Variants in DQX1 observed in about 807,000 individuals in gnomAD.
The protein encoded by DQX1 is ATP-dependent RNA helicase homolog DQX1.
DQX1 carries 66 observed loss-of-function variants against 81.3 expected under a neutral mutation model. That is an observed-to-expected ratio of 0.81 (90% CI 0.67 to 1.00). DQX1 has a LOEUF of 1.00. Ranked by LOEUF, DQX1 falls within the 50% of genes least tolerant of loss-of-function variation. The pLI, the probability that DQX1 is intolerant of heterozygous loss-of-function variation, is 0.00. For synonymous variants in DQX1, 290 were observed against 350.0 expected (o/e 0.83, Z 1.91); for missense variants, 798 against 867.9 (o/e 0.92, Z 1.01).
rs1572986795 is a variant in DQX1, at chr2:74,525,348, C to T, written c.237+145G>A. The T allele has an allele frequency of 4.8e-6, 6 of 1,239,056 alleles. No individual in the cohort carries two copies. In the East Asian group the frequency reaches 1.5e-4, roughly 32 times the overall value. The allele number at this position is 1,239,056 out of a possible 1,614,324, so 76.8% of individuals were successfully genotyped here. A position where few individuals can be genotyped will look rare whatever the true frequency, so the allele number is the denominator to read the frequency against. On this transcript the variant is annotated intron_variant, in intron 2 of 11. Coordinates refer to ENST00000404568, the MANE Select transcript of DQX1 (RefSeq NM_133637.3). This position sits in a 1 kb window ranked among gnomAD's most constrained non-coding sequence, Gnocchi z 4.1. ...AGCCTCCAGGGCCAACCTAACCCAT[C>T]CCATCTCTCTTCGTTCACCTTCCTC... is the stretch of plus-strand genomic sequence containing the variant.
intron 8 of DQX1, among the ~76,000 whole-genome samples, chr2:74,522,340 G>A (rs1675049809): frequency 6.6e-6 from 1 of 152,158 alleles, no homozygotes; most frequent in Non-Finnish European, 1.5e-5. Flanking sequence ...GAGGAAGAGG[G>A]GTGTGTGAGT....
In DQX1 at chr2:74,522,582, G is replaced by A. The variant is rs747321701; in HGVS notation, c.1493C>T (p.Thr498Ile). Reference sequence around the variant, plus strand: ...GGATTTACAGCAGCGATTTATACCTGTGAGCATGGCAGCCAGGGTGAGCAT... The same window carrying A: ...GGATTTACAGCAGCGATTTATACCTATGAGCATGGCAGCCAGGGTGAGCAT... ...DEMLTLAAML[T>I]AAPGFTRPPL... is the part of the protein sequence containing the mutation. Residue 498 changes from threonine to isoleucine, a missense_variant and splice_region_variant, in exon 8 of 12, where the codon ACA becomes ATA. Coordinates refer to ENST00000404568, the MANE Select transcript of DQX1 (RefSeq NM_133637.3). 5 of 1,612,786 alleles carry A rather than the reference G, an allele frequency of 3.1e-6. No homozygotes were observed. The Admixed American group carries it at 8.4e-5, about 27-fold the overall frequency.
rs58027522 is a variant in DQX1, at chr2:74,525,955, T to G, written c.-20+181A>C. 3.7e-3 allele frequency among the ~76,000 whole-genome samples: 568 copies of G among 152,294 alleles called. 4 individuals are homozygous for G. Among genetic ancestry groups the G allele is most frequent in the African/African-American group, 0.013 (526 of 41,550 alleles). On this transcript the variant is annotated intron_variant, in intron 1 of 11. Transcript: ENST00000404568. This position sits in a 1 kb window ranked among gnomAD's most constrained non-coding sequence, Gnocchi z 4.1. ...AGTCCCTATAGTCAGGTAGTAGAAA[T>G]CTACCTGAGACTATTACCCCGTTGG... is the stretch of plus-strand genomic sequence containing the variant.
intron 9 of DQX1, 59 bp from the exon 10 acceptor site, chr2:74,519,805 C>A (rs1674979459): frequency 1.2e-6 from 2 of 1,604,666 alleles, no homozygotes; most frequent in Admixed American, 3.4e-5. Context: ...AATAACCCAA[C>A]CCTTAGCCAA....
In DQX1 at chr2:74,518,937, A is replaced by G; in HGVS notation, c.1997+103T>C. On this transcript the variant is annotated intron_variant, in intron 11 of 11. Transcript: ENST00000404568. ...TCCTGTCTCCTCAGATCATGTTTTTACTAACCACTAAGATCCCTTCCTCTG... is the reference window on the plus strand; with the variant it reads ...TCCTGTCTCCTCAGATCATGTTTTTGCTAACCACTAAGATCCCTTCCTCTG... 3 of 1,210,258 alleles carry G rather than the reference A, an allele frequency of 2.5e-6. No homozygotes were observed. In the South Asian group the frequency reaches 5.0e-5, roughly 20 times the overall value. The allele number at this position is 1,210,258 out of a possible 1,614,324, so 75.0% of individuals were successfully genotyped here.
chr2:74,518,588 G>A lies in DQX1; in HGVS notation c.2012C>T (p.Ala671Val), dbSNP rs773976315. The part of the protein sequence containing the change: ...EIQPQMLVEL[A>V]PPYFLSNLPP... Reference sequence around the variant, plus strand: ...CAAGTTACTCAGGAAGTATGGAGGGGCCAATTCCACCAGCCTAATAGAGAG... The same window carrying A: ...CAAGTTACTCAGGAAGTATGGAGGGACCAATTCCACCAGCCTAATAGAGAG... The change falls in exon 12 of 12, where the codon GCC becomes GTC. Residue 671 changes from alanine (A) to valine (V), a missense_variant. Physicochemically the swap from Ala to Val is moderately conservative, Grantham distance 64. Coordinates refer to ENST00000404568, the MANE Select transcript of DQX1 (RefSeq NM_133637.3). The A allele has an allele frequency of 6.2e-7, 1 of 1,614,090 alleles. No individual in the cohort carries two copies. The highest frequency in any genetic ancestry group is 8.5e-7 in the Non-Finnish European group (1 of 1,179,960).
rs1417149757 is a variant in DQX1 at position 74,525,748 on chromosome 2, C to A, written c.-19G>T. ...AGGTCATGGTGGCTCTCTGGCAGGACCTGCAGAAGGCAGAGCAGCCAGTAA... is the reference window on the plus strand; with the variant it reads ...AGGTCATGGTGGCTCTCTGGCAGGAACTGCAGAAGGCAGAGCAGCCAGTAA... On this transcript the variant is annotated splice_region_variant and 5_prime_UTR_variant, in exon 2 of 12. Transcript: ENST00000404568. This position sits in a 1 kb window ranked among gnomAD's most constrained non-coding sequence, Gnocchi z 4.1. 12 of 1,546,756 alleles carry A rather than the reference C, an allele frequency of 7.8e-6. No individual in the cohort carries two copies. Among genetic ancestry groups the A allele is most frequent in the Non-Finnish European group, 1.0e-5 (12 of 1,143,594 alleles).
In DQX1 at chr2:74,522,999, A is replaced by G. The variant is rs1247304093; in HGVS notation, c.1160T>C (p.Leu387Pro). Residue 387 changes from leucine (L) to proline (P), a missense_variant, in exon 7 of 12, where the codon CTG (leucine) becomes CCG (proline). Leu to Pro is a moderately conservative substitution (Grantham distance 98). Coordinates refer to ENST00000404568, the MANE Select transcript of DQX1 (RefSeq NM_133637.3). ...RGFPPGSCLC[L>P]YPKSFLELEA... The stretch of plus-strand genomic sequence containing the variant: ...TAGTTCTAAGAAGGACTTAGGATAC[A>G]GGCAGAGGCAGGATCCTGAGGGGAA... 1.2e-6 allele frequency: 2 copies of G among 1,614,188 alleles called. No individual in the cohort carries two copies. Among genetic ancestry groups the G allele is most frequent in the Non-Finnish European group, 1.7e-6 (2 of 1,180,008 alleles).
At chr2:74,524,412 CAG>C in intron 3 of DQX1, 105 bp from the exon 4 acceptor site, 1 of 1,456,564 alleles carries the variant, frequency 6.9e-7, no homozygotes, top group Non-Finnish European at 9.1e-7. Flanking sequence ...TATTGAAGGT[CAG>C]AAAAATATGC....
At chr2:74,526,002 A>G in intron 1 of DQX1, 134 bp downstream of exon 1, 1 of 427,678 alleles carries the variant, frequency 2.3e-6, no homozygotes, top group Non-Finnish European at 4.2e-6. Flanking sequence ...AATCTTACTT[A>G]GGCAGGGGTC....
chr2:74,521,457 T>G, intron 8 of DQX1, among the ~76,000 whole-genome samples: 1 of 151,962 alleles, frequency 6.6e-6, no homozygotes, highest in East Asian at 1.9e-4. Flanking sequence ...TGAGACCAGC[T>G]TGGCCAACAT....
At chr2:74,519,794 A>G in intron 9 of DQX1, 48 bp from the exon 10 acceptor site, 1 of 1,608,798 alleles carries the variant, frequency 6.2e-7, no homozygotes, top group African/African-American at 1.3e-5. Context: ...GAGACCCCTG[A>G]AATAACCCAA....
chr2:74,524,471 C>T (rs951243554), intron 3 of DQX1, among the ~76,000 whole-genome samples, 164 bp from the exon 4 acceptor site: 3 of 152,308 alleles, frequency 2.0e-5, no homozygotes, highest in East Asian at 1.9e-4. Flanking sequence ...CCCACAACCC[C>T]GCTGAGAACA....
chr2:74,523,575 C>G (rs1430783588), intron 4 of DQX1, 38 bp from the exon 5 acceptor site: 5 of 1,592,624 alleles, frequency 3.1e-6, no homozygotes, highest in Non-Finnish European at 4.3e-6. Context: ...GGGCAGTTCT[C>G]ACGTTTTTTG....
In DQX1 at chr2:74,522,855, C is replaced by A. The variant is rs1179085593; in HGVS notation, c.1303+1G>T. 10 of 1,613,486 alleles carry A rather than the reference C, an allele frequency of 6.2e-6. No homozygotes were observed. The highest frequency in any genetic ancestry group is 7.6e-6 in the Non-Finnish European group (9 of 1,179,582). On this transcript the variant is annotated splice_donor_variant, in intron 7 of 11. Coordinates refer to ENST00000404568, the MANE Select transcript of DQX1 (RefSeq NM_133637.3). LOFTEE classifies it high-confidence loss of function. ...AGTGCTTGGGCAGGAGAGGTGCTCA[C>A]CAGGCTGGTCCAGGAAGTGACACTC...
chr2:74,525,683 G>A lies in DQX1; in HGVS notation c.47C>T (p.Pro16Leu). ...LRLAEEYGPS[P>L]GESELAVNPF... is the part of the protein sequence containing the mutation. ...GTTCACAGCCAGTTCAGACTCCCCA[G>A]GACTTGGGCCATACTCTTCTGCTAG... is the stretch of plus-strand genomic sequence containing the variant. The change falls in exon 2 of 12, where the codon CCT (proline) becomes CTT (leucine). Residue 16 changes from proline (P) to leucine (L), a missense_variant. Pro to Leu is a moderately conservative substitution (Grantham distance 98). Coordinates refer to ENST00000404568, the MANE Select transcript of DQX1 (RefSeq NM_133637.3). The surrounding 1 kb of genome is among the most constrained non-coding windows in gnomAD (Gnocchi z 4.1). The A allele has an allele frequency of 6.4e-7, 1 of 1,551,750 alleles. No homozygotes were observed. Among genetic ancestry groups the A allele is most frequent in the Non-Finnish European group, 8.7e-7 (1 of 1,147,008 alleles).
At chr2:74,521,730 T>TCTCCCTCTCTCCCC (rs1675029939) in intron 8 of DQX1, among the ~76,000 whole-genome samples, 1 of 148,334 alleles carries the variant, frequency 6.7e-6, no homozygotes, top group Admixed American at 6.7e-5. Flanking sequence ...TCTCTTTCCC[T>TCTCCCTCTCTCCCC]CTCCCTCTCT....
chr2:74,523,736 A>T, intron 4 of DQX1, 187 bp downstream of exon 4: 1 of 1,053,562 alleles, frequency 9.5e-7, no homozygotes, highest in Non-Finnish European at 1.3e-6. Context: ...GTGAGTGGTA[A>T]ACCTCTTTAC....
chr2:74,525,504 T>C lies in DQX1; in HGVS notation c.226A>G (p.Lys76Glu). 6.4e-7 allele frequency: 1 copy of C among 1,552,264 alleles called. No individual in the cohort carries two copies. Among genetic ancestry groups the C allele is most frequent in the Non-Finnish European group, 8.7e-7 (1 of 1,147,188 alleles). The change falls in exon 2 of 12, where the codon AAG (lysine) becomes GAG (glutamate). Residue 76 changes from lysine to glutamate, a missense_variant. By Grantham distance (56) the Lys-to-Glu change is moderately conservative. Transcript: ENST00000404568. The surrounding 1 kb of genome is among the most constrained non-coding windows in gnomAD (Gnocchi z 4.1). ...VLVSGEPGSGKSTQIPQWCAE... is the reference protein window; with the variant it reads ...VLVSGEPGSGESTQIPQWCAE... ...AACCCCCACCACACCTGGGTGCTCT[T>C]GCCAGAACCAGGCTCCCCAGACACC...
Sources: allele counts gnomAD v4.1 joint callset (sites outside exome capture counted in the v4.1 genomes callset), GRCh38; gene constraint gnomAD v4.1.1; non-coding constraint Gnocchi (gnomAD v3.1); transcripts MANE v1.5; gene names NCBI Gene and HGNC (gene_info 2026-07-23, HGNC 2026-07-21).